ZNF257: variants seen among roughly 807,000 people sequenced by gnomAD.
ZNF257 encodes the protein zinc finger protein 257.
In ZNF257, 12 loss-of-function variants were observed where a neutral mutation model predicts 11.9. That is an observed-to-expected ratio of 1.01 (90% CI 0.65 to 1.63). The LOEUF (loss-of-function observed/expected upper bound fraction) is 1.63. ZNF257 is among the 40% of genes most tolerant of loss of function. ZNF257 has a pLI of 0.00. For synonymous variants in ZNF257, 183 were observed against 222.7 expected, an observed-to-expected ratio of 0.82 and a Z score of 1.59; for missense variants, 580 against 665.5, an observed-to-expected ratio of 0.87 and a Z score of 1.41.
intron 1 of ZNF257, among the ~76,000 whole-genome samples, chr19:22,070,261 T>TATAAACA (rs992280760): frequency 2.0e-5 from 3 of 152,134 alleles, no homozygotes; most frequent in Admixed American, 1.3e-4. Flanking sequence ...ATAAACACAA[T>TATAAACA]AAAAATTCCT....
chr19:22,059,734 A>G (rs928718739), intron 1 of ZNF257, among the ~76,000 whole-genome samples: 5 of 137,552 alleles, frequency 3.6e-5, no homozygotes, highest in South Asian at 2.3e-4. Context: ...TATTTTATTT[A>G]TATTTGAAGA....
chr19:22,085,018 C>T (rs534106014), intron 3 of ZNF257, among the ~76,000 whole-genome samples: 7 of 150,358 alleles, frequency 4.7e-5, no homozygotes, highest in Admixed American at 2.6e-4. Flanking sequence ...CATGAGTCAC[C>T]GTGCCTGGCC....
intron 1 of ZNF257, among the ~76,000 whole-genome samples, chr19:22,056,428 A>G (rs2021641272): frequency 6.6e-6 from 1 of 151,854 alleles, no homozygotes; most frequent in Non-Finnish European, 1.5e-5. Flanking sequence ...GGCATGAGCC[A>G]CCATACCTAG....
intron 1 of ZNF257, among the ~76,000 whole-genome samples, chr19:22,055,864 G>A (rs4932949): frequency 0.23 from 34,556 of 151,532 alleles, 4,638 homozygotes; most frequent in South Asian, 0.44. Context: ...AGGAGATCGA[G>A]ACCACGGTGA....
intron 1 of ZNF257, among the ~76,000 whole-genome samples, chr19:22,069,509 G>C (rs1301510981): frequency 6.6e-6 from 1 of 151,998 alleles, no homozygotes. Context: ...CAGCTACTTG[G>C]GAGGCTGAAG....
chr19:22,059,781 G>A (rs1256809616), intron 1 of ZNF257, among the ~76,000 whole-genome samples: 2 of 151,708 alleles, frequency 1.3e-5, no homozygotes. Context: ...GAAGTGGAGT[G>A]GTGTGATCTA....
At chr19:22,072,129 T>G (rs2022117989) in intron 1 of ZNF257, among the ~76,000 whole-genome samples, 1 of 152,204 alleles carries the variant, frequency 6.6e-6, no homozygotes, top group Admixed American at 6.5e-5. Context: ...GTGTCCTTCT[T>G]TTGTGCATCA....
Position 22,088,656 on chromosome 19 carries a change from C to G in ZNF257, c.906C>G (p.Thr302=). ...TTAAGTGGTCCTCAGCTCTTACTAC[C>G]CTTACTCAACATAAGAGAATTCATA... is the stretch of plus-strand genomic sequence containing the variant. ...KAFKWSSALT[T]LTQHKRIHTG... Residue 302 remains threonine (T), a synonymous_variant, in exon 4 of 4, where the codon ACC becomes ACG. Transcript: ENST00000594947. 1 of 1,611,526 alleles carries G rather than the reference C, an allele frequency of 6.2e-7. No homozygotes were observed. The highest frequency in any genetic ancestry group is 8.5e-7 in the Non-Finnish European group (1 of 1,179,492).
At chr19:22,055,965 G>A (rs1307039633) in intron 1 of ZNF257, among the ~76,000 whole-genome samples, 4 of 150,240 alleles carry the variant, frequency 2.7e-5, no homozygotes, top group African/African-American at 9.8e-5. Context: ...TGAGGCAGGA[G>A]AATGGCGTGA....
At chr19:22,072,159 C>G (rs1435471536) in intron 1 of ZNF257, among the ~76,000 whole-genome samples, 1 of 152,130 alleles carries the variant, frequency 6.6e-6, no homozygotes, top group African/African-American at 2.4e-5. Context: ...AAAAATTTGT[C>G]CTAGTGCAAG....
chr19:22,085,314 C>T (rs1568489628), intron 3 of ZNF257, among the ~76,000 whole-genome samples: 1 of 152,090 alleles, frequency 6.6e-6, no homozygotes, highest in African/African-American at 2.4e-5. Flanking sequence ...GGTGATCCAC[C>T]TGCCGTGGCC....
chr19:22,086,968 G>A (rs1188619898), intron 3 of ZNF257, among the ~76,000 whole-genome samples: 1 of 150,464 alleles, frequency 6.6e-6, no homozygotes, highest in Non-Finnish European at 1.5e-5. Flanking sequence ...TTTTAGAATT[G>A]GTTAATTATC....
At chr19:22,054,481 A>G (rs1170103278) in intron 1 of ZNF257, among the ~76,000 whole-genome samples, 2 of 152,198 alleles carry the variant, frequency 1.3e-5, no homozygotes, top group Non-Finnish European at 2.9e-5. Context: ...ATAATAAAAT[A>G]CTAAATTTTC....
At chr19:22,080,011 A>T (rs1188247673) in intron 3 of ZNF257, among the ~76,000 whole-genome samples, 1 of 151,920 alleles carries the variant, frequency 6.6e-6, no homozygotes, top group East Asian at 1.9e-4. Flanking sequence ...ACAGGATCTT[A>T]CTCTGTCACC....
intron 1 of ZNF257, among the ~76,000 whole-genome samples, chr19:22,056,697 C>A (rs1050925007): frequency 2.0e-5 from 3 of 151,910 alleles, no homozygotes; most frequent in Admixed American, 1.3e-4. Flanking sequence ...CCAGGATGGT[C>A]TCAATCTCCT....
At position 22,089,042 on chromosome 19, in the gene ZNF257, A is replaced by G. The variant is rs773194146; in HGVS notation, c.1292A>G (p.Tyr431Cys). The G allele has an allele frequency of 3.1e-6, 5 of 1,612,998 alleles. No individual in the cohort carries two copies. In the African/African-American group the frequency reaches 4.0e-5, roughly 13 times the overall value. The change falls in exon 4 of 4, where the codon TAC becomes TGC. Residue 431 changes from tyrosine to cysteine, a missense_variant. Transcript: ENST00000594947. Reference sequence around the variant, plus strand: ...ATAATTCATACTGGAGAGAAACCCTACAAATGTGAAGAGTGTGGCAAAGCC... The same window carrying G: ...ATAATTCATACTGGAGAGAAACCCTGCAAATGTGAAGAGTGTGGCAAAGCC... ...HKIIHTGEKP[Y>C]KCEECGKAFN...
rs1219651809 is a variant in ZNF257, at chr19:22,088,632, T to G, written c.882T>G (p.Phe294Leu). ...PFKYDECCKA[F>L]KWSSALTTLT... ...AATATGATGAATGTTGCAAAGCCTT[T>G]AAGTGGTCCTCAGCTCTTACTACCC... Residue 294 changes from phenylalanine (F) to leucine (L), a missense_variant, in exon 4 of 4, where the codon TTT becomes TTG. Transcript: ENST00000594947. 11 of 1,611,866 alleles carry G rather than the reference T, an allele frequency of 6.8e-6. No individual in the cohort carries two copies. In the Admixed American group the frequency reaches 1.7e-4, roughly 25 times the overall value.
chr19:22,069,117 C>T (rs1292448848), intron 1 of ZNF257, among the ~76,000 whole-genome samples: 2 of 152,032 alleles, frequency 1.3e-5, no homozygotes, highest in African/African-American at 4.8e-5. Flanking sequence ...TCTGGAGATT[C>T]GAACAGTTAA....
intron 3 of ZNF257, among the ~76,000 whole-genome samples, chr19:22,073,827 T>C (rs1033227112): frequency 1.3e-5 from 2 of 152,226 alleles, no homozygotes; most frequent in East Asian, 1.9e-4. Flanking sequence ...TCATGGCATA[T>C]AAGAGACTGC....
Sources: gnomAD v4.1 joint callset for allele counts (sites outside exome capture counted in the v4.1 genomes callset) on GRCh38, gnomAD v4.1.1 for gene constraint, MANE v1.5 for transcripts, NCBI Gene and HGNC (gene_info 2026-07-23, HGNC 2026-07-21) for gene names.